Variants in COQ9 observed in about 807,000 individuals in gnomAD.
COQ9 encodes the protein coenzyme Q9.
In COQ9, 35 loss-of-function variants were observed where a neutral mutation model predicts 42.4. The observed-to-expected ratio is 0.83, with a 90% CI of 0.63 to 1.10. The LOEUF is 1.10. Ranked by LOEUF, COQ9 falls within the 50% of genes least tolerant of loss-of-function variation. The probability of loss-of-function intolerance (pLI) is 0.00; values close to 1 mark genes in which losing one functional copy is unlikely to be tolerated. For missense variants in COQ9, 406 were observed against 414.6 expected (o/e 0.98, Z 0.18); for synonymous variants, 155 against 155.1 (o/e 1.00, Z 0.00).
At chr16:57,460,522 C>A in intron 8 of COQ9, 67 bp from the exon 9 acceptor site, 3 of 1,465,030 alleles carry the variant, frequency 2.0e-6, no homozygotes, top group South Asian at 1.2e-5. Context: ...AAAGCTAGGT[C>A]TTTTCTATTA....
chr16:57,460,950 G>T lies in COQ9; in HGVS notation c.*326G>T. On this transcript the variant is annotated 3_prime_UTR_variant, in exon 9 of 9. Coordinates refer to ENST00000262507, the MANE Select transcript of COQ9 (RefSeq NM_020312.4). ...GCATGTCCCTGTCACAATCTCATGG[G>T]CACCTTGATCATGTCTTAACCTTCC... is the stretch of plus-strand genomic sequence containing the variant. 2.6e-6 allele frequency: 1 copy of T among 386,756 alleles called. No homozygotes were observed. The highest frequency in any genetic ancestry group is 5.0e-6 in the Non-Finnish European group (1 of 201,078). 24.0% of individuals were successfully genotyped at this position (386,756 alleles called of 1,614,324 possible).
At chr16:57,451,653 T>G (rs1322958483) in intron 2 of COQ9, among the ~76,000 whole-genome samples, 1 of 152,250 alleles carries the variant, frequency 6.6e-6, no homozygotes, top group African/African-American at 2.4e-5. Flanking sequence ...TTATTTCATA[T>G]GTAAATTTTT....
At chr16:57,454,225 G>A (rs1205409260) in intron 3 of COQ9, 2 of 152,180 alleles carry the variant, frequency 1.3e-5, no homozygotes, top group Non-Finnish European at 2.9e-5. Context: ...GGCAAGAATT[G>A]TCTGTGATCA....
intron 2 of COQ9, 62 bp from the exon 3 acceptor site, chr16:57,452,739 T>C: frequency 3.1e-6 from 5 of 1,597,388 alleles, no homozygotes; most frequent in Non-Finnish European, 4.3e-6. Context: ...CCCTAGTTTC[T>C]GGTCATGCCC....
intron 4 of COQ9, 130 bp from the exon 5 acceptor site, chr16:57,456,801 T>G: frequency 7.6e-7 from 1 of 1,307,930 alleles, no homozygotes; most frequent in Non-Finnish European, 1.1e-6. Flanking sequence ...TGGCAGCCTG[T>G]CTCTGACGGC....
At chr16:57,457,224 G>T (rs1370854297) in intron 5 of COQ9, 1 of 654,082 alleles carries the variant, frequency 1.5e-6, no homozygotes, top group African/African-American at 1.8e-5. Flanking sequence ...CTCAGTTCTT[G>T]GAAATGTGAG....
intron 1 of COQ9, 26 bp downstream of exon 1, chr16:57,447,604 A>C: frequency 8.0e-7 from 1 of 1,246,386 alleles, no homozygotes; most frequent in Non-Finnish European, 1.0e-6. Context: ...AGCCGGGGAG[A>C]GGCGGGGAGC....
intron 3 of COQ9, among the ~76,000 whole-genome samples, chr16:57,454,839 C>G (rs1198019815): frequency 6.6e-6 from 1 of 152,004 alleles, no homozygotes; most frequent in Non-Finnish European, 1.5e-5. Flanking sequence ...AGAGAACCAC[C>G]ATGCAGAGAG....
rs2030485213 is a variant in COQ9, at chr16:57,459,653, A to C, written c.800A>C (p.Glu267Ala). 11 of 1,614,170 alleles carry C rather than the reference A, an allele frequency of 6.8e-6. No individual in the cohort carries two copies. The East Asian group carries it at 2.5e-4, about 36-fold the overall frequency. Residue 267 changes from glutamate to alanine, a missense_variant, in exon 7 of 9, where the codon GAG becomes GCG. By Grantham distance (107) the Glu-to-Ala change is moderately radical. Transcript: ENST00000262507. The stretch of plus-strand genomic sequence containing the variant: ...ATGCAGGACTCCTCTCCAGACTTTG[A>C]GGACACTTGGCGCTTCCTGGAAAAC... ...VMMQDSSPDFEDTWRFLENRV... is the reference protein window; with the variant it reads ...VMMQDSSPDFADTWRFLENRV...
intron 1 of COQ9, among the ~76,000 whole-genome samples, chr16:57,449,224 C>G (rs542039737): frequency 1.9e-4 from 29 of 152,322 alleles, no homozygotes; most frequent in African/African-American, 7.0e-4. Context: ...AAGCCCTATC[C>G]TTCTTAAGTG....
rs373048666 is a variant in COQ9 at position 57,460,724 on chromosome 16, C to T, written c.*100C>T. ...TGCCATCCACATAACCTGGTGTTCA[C>T]GAGAACACACTAAAGGACTCCTGAG... On this transcript the variant is annotated 3_prime_UTR_variant, in exon 9 of 9. Transcript: ENST00000262507. 2.5e-3 allele frequency: 2,854 copies of T among 1,123,366 alleles called. 63 individuals are homozygous for T. In the South Asian group the frequency reaches 0.026, roughly 10 times the overall value. The allele number at this position is 1,123,366 out of a possible 1,614,324, so 69.6% of individuals were successfully genotyped here. A position where few individuals can be genotyped will look rare whatever the true frequency, so the allele number is the denominator to read the frequency against.
chr16:57,456,724 G>T, intron 4 of COQ9, 78 bp downstream of exon 4: 1 of 1,534,574 alleles, frequency 6.5e-7, no homozygotes. Flanking sequence ...TGCCCAGGAG[G>T]CCAATCCAAG....
At chr16:57,457,828 C>T (rs2030439499) in intron 5 of COQ9, among the ~76,000 whole-genome samples, 1 of 152,196 alleles carries the variant, frequency 6.6e-6, no homozygotes, top group African/African-American at 2.4e-5. Context: ...CTCTGATCAC[C>T]TCCCCAGTGG....
In COQ9 at chr16:57,456,774, G is replaced by C. The variant is rs148808268; in HGVS notation, c.521+128G>C. ...AGCAGCATTGGGCAGCCCTGCTGCT[G>C]TGATGGGACTGAAACCTGGCAGCCT... is the stretch of plus-strand genomic sequence containing the variant. On this transcript the variant is annotated intron_variant, in intron 4 of 8. Transcript: ENST00000262507. 5.3e-4 allele frequency: 718 copies of C among 1,361,886 alleles called. 1 individual carries two copies. The African/African-American group carries it at 9.6e-3, about 18-fold the overall frequency. The allele number at this position is 1,361,886 out of a possible 1,614,324, so 84.4% of individuals were successfully genotyped here.
chr16:57,448,475 G>A (rs1419202069), intron 1 of COQ9, among the ~76,000 whole-genome samples: 1 of 151,872 alleles, frequency 6.6e-6, no homozygotes, highest in Non-Finnish European at 1.5e-5. Context: ...CCAGGCTGGA[G>A]TGCAGTGGTA....
intron 5 of COQ9, 139 bp from the exon 6 acceptor site, chr16:57,458,107 C>G (rs72788042): frequency 0.021 from 15,118 of 707,318 alleles, 214 homozygotes; most frequent in South Asian, 0.03. Context: ...CCACAACTCA[C>G]GCCAGTGGGT....
chr16:57,460,503 A>G, intron 8 of COQ9, 86 bp from the exon 9 acceptor site: 2 of 1,295,596 alleles, frequency 1.5e-6, no homozygotes, highest in Non-Finnish European at 1.1e-6. Context: ...AAAAAAAAAG[A>G]GAAAAAGAAA....
Position 57,460,824 on chromosome 16 carries a change from A to C in COQ9, c.*200A>C. 1.7e-6 allele frequency: 1 copy of C among 598,396 alleles called. No individual in the cohort carries two copies. Among genetic ancestry groups the C allele is most frequent in the East Asian group, 2.9e-5 (1 of 34,128 alleles). 37.1% of individuals were successfully genotyped at this position (598,396 alleles called of 1,614,324 possible). ...TGGTCAGGGATTGGGCTGCTTCTTC[A>C]GTTCCTAATACCAGACCAAGCCTCC... On this transcript the variant is annotated 3_prime_UTR_variant, in exon 9 of 9. Transcript: ENST00000262507.
chr16:57,459,599 C>A lies in COQ9; in HGVS notation c.746C>A (p.Ala249Asp). 1 of 1,614,146 alleles carries A rather than the reference C, an allele frequency of 6.2e-7. No homozygotes were observed. Among genetic ancestry groups the A allele is most frequent in the Non-Finnish European group, 8.5e-7 (1 of 1,180,022 alleles). ...NWYTRRAMLA[A>D]IYNTTELVMM... ...TACACCCGCCGAGCCATGCTGGCTG[C>A]CATCTACAACACAACAGAGCTGGTG... Residue 249 changes from alanine to aspartate, a missense_variant, in exon 7 of 9, where the codon GCC (alanine) becomes GAC (aspartate). Physicochemically the swap from Ala to Asp is moderately radical, Grantham distance 126. Coordinates refer to ENST00000262507, the MANE Select transcript of COQ9 (RefSeq NM_020312.4).
Sources: allele counts gnomAD v4.1 joint callset (sites outside exome capture counted in the v4.1 genomes callset), GRCh38; gene constraint gnomAD v4.1.1; transcripts MANE v1.5; gene names NCBI Gene and HGNC (gene_info 2026-07-23, HGNC 2026-07-21).